Variants in DIAPH2 observed in about 807,000 individuals in gnomAD.
DIAPH2 encodes the protein protein diaphanous homolog 2.
A neutral mutation model predicts 92.7 loss-of-function variants in DIAPH2; 35 were observed. That is an observed-to-expected ratio of 0.38 (90% confidence interval 0.29 to 0.50). The LOEUF (loss-of-function observed/expected upper bound fraction) is 0.50, where lower values mean the gene tolerates loss of function less well. Among genes scored for constraint, DIAPH2 ranks in the 20% least tolerant of loss-of-function variants. DIAPH2 has a pLI of 0.94. For missense variants in DIAPH2, 701 were observed against 819.5 expected (o/e 0.86, Z 1.77); for synonymous variants, 301 against 280.4 (o/e 1.07, Z -0.73).
At chrX:97,180,702 C>G (rs2067532229) in intron 22 of DIAPH2, among the ~76,000 whole-genome samples, 1 of 111,740 alleles carries the variant, frequency 8.9e-6, no homozygotes, top group African/African-American at 3.3e-5. Flanking sequence ...GGAAGGGGTC[C>G]AATTTTAGTT....
intron 4 of DIAPH2, among the ~76,000 whole-genome samples, chrX:96,866,190 A>G: frequency 9.0e-6 from 1 of 111,730 alleles, no homozygotes. Flanking sequence ...AGCTCTTGCC[A>G]GGTGGGAAGT....
intron 3 of DIAPH2, among the ~76,000 whole-genome samples, chrX:96,751,878 C>A (rs367620130): frequency 2.1e-5 from 2 of 96,870 alleles, no homozygotes; most frequent in Non-Finnish European, 4.4e-5. Flanking sequence ...TGGTCTCGAT[C>A]TCCTGACCTC....
At chrX:96,835,330 A>G (rs1203372104) in intron 4 of DIAPH2, among the ~76,000 whole-genome samples, 1 of 112,172 alleles carries the variant, frequency 8.9e-6, no homozygotes, top group African/African-American at 3.2e-5. Context: ...TAGTTCATGA[A>G]CTAATTTAAT....
chrX:97,181,560 C>T (rs964974004), intron 22 of DIAPH2, among the ~76,000 whole-genome samples: 1 of 111,566 alleles, frequency 9.0e-6, no homozygotes, highest in Non-Finnish European at 1.9e-5. Flanking sequence ...TACAGGCATG[C>T]GCCACCACCC....
intron 26 of DIAPH2, among the ~76,000 whole-genome samples, chrX:97,484,881 C>A (rs1350521533): frequency 9.1e-6 from 1 of 109,654 alleles, no homozygotes; most frequent in Admixed American, 9.7e-5. Context: ...GGTGACAGAG[C>A]GAGAAAAAAA....
chrX:97,263,374 A>G (rs1469656253), intron 23 of DIAPH2, among the ~76,000 whole-genome samples: 1 of 111,453 alleles, frequency 9.0e-6, no homozygotes, highest in Non-Finnish European at 1.9e-5. Context: ...ATCTGTTTAT[A>G]GATAACCAGG....
intron 26 of DIAPH2, among the ~76,000 whole-genome samples, chrX:97,523,453 T>C (rs886947556): frequency 8.9e-6 from 1 of 112,072 alleles, no homozygotes; most frequent in African/African-American, 3.2e-5. Context: ...TTTATTTAAG[T>C]GGTTATCTTT....
intron 22 of DIAPH2, among the ~76,000 whole-genome samples, chrX:97,224,019 G>T (rs73548642): frequency 0.011 from 1,276 of 111,319 alleles, 18 homozygotes; most frequent in African/African-American, 0.039. Context: ...CCTTATTAAC[G>T]ATAGCACATG....
At chrX:96,759,120 C>T (rs1337089794) in intron 4 of DIAPH2, among the ~76,000 whole-genome samples, 1 of 110,516 alleles carries the variant, frequency 9.0e-6, no homozygotes, top group Non-Finnish European at 1.9e-5. Context: ...TATACATATG[C>T]ATGTACACAC....
At chrX:96,786,202 C>T (rs1231281731) in intron 4 of DIAPH2, among the ~76,000 whole-genome samples, 2 of 111,940 alleles carry the variant, frequency 1.8e-5, no homozygotes, top group Non-Finnish European at 3.8e-5. Context: ...TGAAACTTTA[C>T]ACTATTATGT....
intron 22 of DIAPH2, among the ~76,000 whole-genome samples, chrX:97,167,688 G>A (rs921078010): frequency 3.6e-5 from 4 of 111,332 alleles, no homozygotes; most frequent in African/African-American, 1.3e-4. Flanking sequence ...CAGTTGTACT[G>A]TACCAATTTA....
chrX:96,699,697 C>T (rs754027314), intron 1 of DIAPH2, among the ~76,000 whole-genome samples: 24 of 111,914 alleles, frequency 2.1e-4, no homozygotes, highest in Non-Finnish European at 2.8e-4. Flanking sequence ...TCCATTCTCT[C>T]CTTTCCTCTC....
chrX:97,054,523 G>A (rs777829452), intron 17 of DIAPH2, among the ~76,000 whole-genome samples: 2 of 111,406 alleles, frequency 1.8e-5, no homozygotes, highest in African/African-American at 6.5e-5. Context: ...AGTTCAGGAA[G>A]GCATCTCAAA....
intron 25 of DIAPH2, among the ~76,000 whole-genome samples, chrX:97,417,350 A>G (rs1161130737): frequency 1.8e-5 from 2 of 109,746 alleles, no homozygotes; most frequent in Non-Finnish European, 3.8e-5. Context: ...AGCAGTGTGC[A>G]TTCAAAAAAT....
intron 5 of DIAPH2, among the ~76,000 whole-genome samples, chrX:96,899,048 A>G (rs948027587): frequency 7.3e-5 from 8 of 109,178 alleles, no homozygotes; most frequent in Non-Finnish European, 1.3e-4. Flanking sequence ...GATATGCGGC[A>G]TTATTTCCGA....
intron 4 of DIAPH2, among the ~76,000 whole-genome samples, chrX:96,815,329 G>A (rs2064723791): frequency 1.8e-5 from 2 of 111,998 alleles, no homozygotes; most frequent in African/African-American, 6.5e-5. Context: ...GGGACCCACC[G>A]AGCCAGGCGC....
At chrX:97,574,416 A>G (rs1230573571) in intron 26 of DIAPH2, among the ~76,000 whole-genome samples, 1 of 108,702 alleles carries the variant, frequency 9.2e-6, no homozygotes, top group Admixed American at 1.0e-4. Context: ...GAATTCAAAA[A>G]TCATTTACCA....
chrX:97,196,219 TACACACACAC>T (rs59276561), intron 22 of DIAPH2, among the ~76,000 whole-genome samples: 2 of 104,864 alleles, frequency 1.9e-5, no homozygotes, highest in South Asian at 4.3e-4. Flanking sequence ...CACACATACA[TACACACACAC>T]ACACACACAC....
At chrX:97,377,732 G>A (rs910110637) in intron 24 of DIAPH2, among the ~76,000 whole-genome samples, 3 of 110,926 alleles carry the variant, frequency 2.7e-5, no homozygotes, top group Admixed American at 9.7e-5. Context: ...TATGGATCCC[G>A]ACTTAAAATG....
Sources: allele counts gnomAD v4.1 joint callset (sites outside exome capture counted in the v4.1 genomes callset), GRCh38; gene constraint gnomAD v4.1.1; transcripts MANE v1.5; gene names NCBI Gene and HGNC (gene_info 2026-07-23, HGNC 2026-07-21).